The following PLXNA2 variants were observed in gnomAD, a reference collection of about 807,000 sequenced individuals.
PLXNA2 encodes the protein plexin-A2.
In PLXNA2, 91 loss-of-function variants were observed where a neutral mutation model predicts 193.5. That is an observed-to-expected ratio of 0.47 (90% CI 0.40 to 0.56). PLXNA2 has a LOEUF of 0.56. Ranked by LOEUF, PLXNA2 falls within the 20% of genes least tolerant of loss-of-function variation. The pLI is 0.00. For synonymous variants in PLXNA2, 997 were observed against 1,027.3 expected, an observed-to-expected ratio of 0.97 and a Z score of 0.56; for missense variants, 1,995 against 2,503.2, an observed-to-expected ratio of 0.80 and a Z score of 4.33.
intron 28 of PLXNA2, chr1:208,032,198 T>G (rs936449122): frequency 2.8e-5 from 26 of 939,378 alleles, no homozygotes; most frequent in Non-Finnish European, 3.2e-5. Flanking sequence ...ATGAAGAGGC[T>G]TAGGATGTTA....
rs184109126 is a variant in PLXNA2, at chr1:208,092,957, A to T, written c.1983-57T>A. The T allele has an allele frequency of 7.7e-5, 92 of 1,194,332 alleles. No homozygotes were observed. In the East Asian group the frequency reaches 1.8e-3, roughly 23 times the overall value. 74.0% of individuals were successfully genotyped at this position (1,194,332 alleles called of 1,614,324 possible). ...GAAGAGAACAAAGAGGGAAGGTGGC[A>T]TGTGTCATGATAGAAGTCTGTTAAC... On this transcript the variant is annotated intron_variant, in intron 8 of 31. Coordinates refer to ENST00000367033, the MANE Select transcript of PLXNA2 (RefSeq NM_025179.4).
intron 3 of PLXNA2, among the ~76,000 whole-genome samples, chr1:208,164,164 G>A (rs542209281): frequency 2.0e-5 from 3 of 152,322 alleles, no homozygotes; most frequent in Non-Finnish European, 4.4e-5. Context: ...ATTTGGTTAG[G>A]GGACACCTTT....
Position 208,217,187 on chromosome 1 carries a change from C to T in PLXNA2, c.736G>A (p.Gly246Ser), listed in dbSNP as rs143125665. The change falls in exon 2 of 32, where the codon GGC becomes AGC. Residue 246 changes from glycine to serine, a missense_variant. Around this residue, in one of 3 missense-constraint regions of PLXNA2, gnomAD observed 702 missense variants for 812.9 expected, o/e 0.86. Coordinates refer to ENST00000367033, the MANE Select transcript of PLXNA2 (RefSeq NM_025179.4). The surrounding 1 kb of genome is among the most constrained non-coding windows in gnomAD (Gnocchi z 4.7). ...TAGACAAAGCCCCCACTAGCAAAGC[C>T]GTAGATGTAGAAGATGTCAAAGTGG... ...VSHFDIFYIY[G>S]FASGGFVYFL... 1.4e-5 allele frequency: 22 copies of T among 1,614,000 alleles called. No homozygotes were observed. Among genetic ancestry groups the T allele is most frequent in the Non-Finnish European group, 1.7e-5 (20 of 1,180,032 alleles).
At chr1:208,094,712 C>T (rs1666825560) in intron 8 of PLXNA2, among the ~76,000 whole-genome samples, 1 of 152,188 alleles carries the variant, frequency 6.6e-6, no homozygotes, top group Admixed American at 6.5e-5. Flanking sequence ...TTCTGCCCTC[C>T]CTGGTTCCCA....
At chr1:208,230,265 C>T (rs1281535622) in intron 1 of PLXNA2, 1 of 152,246 alleles carries the variant, frequency 6.6e-6, no homozygotes, top group African/African-American at 2.4e-5. Flanking sequence ...CCTGGTGACC[C>T]AGCACCTGCC....
At chr1:208,076,546 C>G (rs1666157149) in intron 12 of PLXNA2, among the ~76,000 whole-genome samples, 1 of 152,126 alleles carries the variant, frequency 6.6e-6, no homozygotes, top group South Asian at 2.1e-4. Context: ...TTGATAGGTA[C>G]CATACAGGTA....
chr1:208,182,018 C>G (rs1572005453), intron 3 of PLXNA2, among the ~76,000 whole-genome samples: 3 of 149,846 alleles, frequency 2.0e-5, no homozygotes, highest in South Asian at 4.3e-4. Context: ...AGTGTCTCTC[C>G]TGTCTCTTTC....
At chr1:208,159,731 G>C (rs1669053105) in intron 3 of PLXNA2, among the ~76,000 whole-genome samples, 1 of 152,218 alleles carries the variant, frequency 6.6e-6, no homozygotes, top group Non-Finnish European at 1.5e-5. Context: ...CCGGATCTCT[G>C]ATGCTGCTTC....
intron 3 of PLXNA2, among the ~76,000 whole-genome samples, chr1:208,189,834 A>C (rs1572013898): frequency 6.6e-6 from 1 of 152,152 alleles, no homozygotes; most frequent in Non-Finnish European, 1.5e-5. Flanking sequence ...AGGAGCTACA[A>C]ATAAAATCCC....
intron 11 of PLXNA2, among the ~76,000 whole-genome samples, chr1:208,081,976 C>G (rs1666358740): frequency 6.6e-6 from 1 of 152,170 alleles, no homozygotes; most frequent in Non-Finnish European, 1.5e-5. Context: ...GCATGCTGCT[C>G]TCTCCCGCCC....
intron 9 of PLXNA2, among the ~76,000 whole-genome samples, chr1:208,088,049 C>T (rs1666586423): frequency 6.6e-6 from 1 of 152,156 alleles, no homozygotes; most frequent in Admixed American, 6.5e-5. Context: ...TGATTGCTAC[C>T]GCGGATCCTC....
At chr1:208,228,762 G>C (rs12404757) in intron 1 of PLXNA2, among the ~76,000 whole-genome samples, 23,743 of 151,920 alleles carry the variant, frequency 0.16, 2,415 homozygotes, top group Middle Eastern at 0.25. Flanking sequence ...GGTCTGTTGA[G>C]TCCCCAAAAC....
intron 4 of PLXNA2, among the ~76,000 whole-genome samples, chr1:208,117,251 A>G (rs1008104974): frequency 6.6e-6 from 1 of 152,052 alleles, no homozygotes; most frequent in Admixed American, 6.5e-5. Flanking sequence ...GCTGAAACCT[A>G]ACCACCCTTC....
intron 4 of PLXNA2, among the ~76,000 whole-genome samples, chr1:208,132,981 C>A (rs1255543365): frequency 6.6e-6 from 1 of 152,216 alleles, no homozygotes; most frequent in African/African-American, 2.4e-5. Context: ...TGTCAGGAAA[C>A]TACTGATAGT....
chr1:208,140,910 T>TAAC (rs1668438530), intron 4 of PLXNA2, among the ~76,000 whole-genome samples: 1 of 152,252 alleles, frequency 6.6e-6, no homozygotes, highest in Non-Finnish European at 1.5e-5. Context: ...CAGCACTTTG[T>TAAC]TCCCAATAAA....
At chr1:208,147,870 A>G (rs764687036) in intron 3 of PLXNA2, among the ~76,000 whole-genome samples, 4 of 152,134 alleles carry the variant, frequency 2.6e-5, no homozygotes, top group Non-Finnish European at 1.5e-5. Context: ...AAGTGGGACA[A>G]TCTCCTATTT....
In PLXNA2 at chr1:208,211,077, C is replaced by G. The variant is rs544127028; in HGVS notation, c.1189-615G>C. ...TCAGAAGTGTCATAATGATATCGAA[C>G]AGTACCTTATACTTTGGAAAAGTTA... is the stretch of plus-strand genomic sequence containing the variant. On this transcript the variant is annotated intron_variant, in intron 2 of 31. Transcript: ENST00000367033. Among the ~76,000 whole-genome samples, 431 of 152,354 alleles carry G rather than the reference C, an allele frequency of 2.8e-3. 3 individuals carry two copies. In the South Asian group the frequency reaches 0.032, roughly 11 times the overall value.
intron 15 of PLXNA2, among the ~76,000 whole-genome samples, chr1:208,051,932 A>AT (rs933363427): frequency 4.6e-5 from 7 of 152,242 alleles, no homozygotes; most frequent in African/African-American, 1.7e-4. Flanking sequence ...TAGGTGTTCA[A>AT]TTTTTTATGT....
chr1:208,191,154 A>T (rs1176011719), intron 3 of PLXNA2, among the ~76,000 whole-genome samples: 2 of 152,210 alleles, frequency 1.3e-5, no homozygotes, highest in Non-Finnish European at 2.9e-5. Context: ...ACTCCCCAAG[A>T]ACCTTGTTCT....
Sources: allele counts gnomAD v4.1 joint callset (sites outside exome capture counted in the v4.1 genomes callset), GRCh38; gene constraint gnomAD v4.1.1; regional missense constraint gnomAD v4.1.1; non-coding constraint Gnocchi (gnomAD v3.1); transcripts MANE v1.5; gene names NCBI Gene and HGNC (gene_info 2026-07-23, HGNC 2026-07-21).